Variants in BRSK2 observed in about 807,000 individuals in gnomAD.
BRSK2 encodes BR serine/threonine kinase 2.
A neutral mutation model predicts 83.3 loss-of-function variants in BRSK2; 19 were observed. The ratio of observed to expected loss-of-function variants is 0.23; its 90% CI spans 0.16 to 0.33. The LOEUF is 0.33. Ranked by LOEUF, BRSK2 falls within the 10% of genes least tolerant of loss-of-function variation. BRSK2 has a pLI of 1.00. For missense variants in BRSK2, 798 were observed against 1,042.3 expected (o/e 0.77, Z 3.23); for synonymous variants, 519 against 435.4 (o/e 1.19, Z -2.39).
At chr11:1,413,006 C>A (rs1344545307) in intron 1 of BRSK2, among the ~76,000 whole-genome samples, 2 of 152,162 alleles carry the variant, frequency 1.3e-5, no homozygotes, top group East Asian at 3.9e-4. Context: ...GGCGCTGCCC[C>A]CGGCACCCCA....
In BRSK2 at chr11:1,461,296, C is replaced by T. The variant is rs567538205; in HGVS notation, c.*573C>T. ...AGCCACAGGAACAGGCCCCGTCCAC[C>T]GCCTCCACGCCGCACCTGGAGGCCT... is the stretch of plus-strand genomic sequence containing the variant. On this transcript the variant is annotated 3_prime_UTR_variant, in exon 20 of 20. Transcript: ENST00000528841. The T allele has an allele frequency of 2.4e-5, 11 of 464,368 alleles. No individual in the cohort carries two copies. The highest frequency in any genetic ancestry group is 1.2e-4 in the South Asian group (5 of 40,672). The allele number at this position is 464,368 out of a possible 1,614,324, so 28.8% of individuals were successfully genotyped here. A position where few individuals can be genotyped will look rare whatever the true frequency, so the allele number is the denominator to read the frequency against.
At chr11:1,410,910 GGT>G (rs1847408282) in intron 1 of BRSK2, 2 of 987,816 alleles carry the variant, frequency 2.0e-6, no homozygotes, top group African/African-American at 3.5e-5. Context: ...GCAGAAGGTG[GGT>G]GTTCCCCAGT....
At chr11:1,396,214 C>G in intron 1 of BRSK2, among the ~76,000 whole-genome samples, 1 of 114,094 alleles carries the variant, frequency 8.8e-6, no homozygotes, top group East Asian at 2.3e-4. Flanking sequence ...GTCCCCCACT[C>G]CTGGTCCCTC....
At chr11:1,457,768 C>T (rs1466312490) in intron 18 of BRSK2, among the ~76,000 whole-genome samples, 1 of 152,150 alleles carries the variant, frequency 6.6e-6, no homozygotes, top group Non-Finnish European at 1.5e-5. Context: ...CCATGACATC[C>T]TCATTCCATC....
At chr11:1,402,799 G>A (rs898415463) in intron 1 of BRSK2, among the ~76,000 whole-genome samples, 43 of 152,184 alleles carry the variant, frequency 2.8e-4, no homozygotes, top group African/African-American at 8.9e-4. Flanking sequence ...GACACACGGG[G>A]AGGGAACAGG....
At chr11:1,434,530 C>T (rs1371588819) in intron 1 of BRSK2, among the ~76,000 whole-genome samples, 6 of 139,098 alleles carry the variant, frequency 4.3e-5, no homozygotes, top group African/African-American at 1.6e-4. Flanking sequence ...GTCGGCGCAC[C>T]CAGGAGTGGG....
rs1847278722 is a variant in BRSK2, at chr11:1,460,377, G to A, written c.1988-123G>A. 4 of 1,097,896 alleles carry A rather than the reference G, an allele frequency of 3.6e-6. No individual in the cohort carries two copies. The Admixed American group carries it at 9.9e-5, about 27-fold the overall frequency. The allele number at this position is 1,097,896 out of a possible 1,614,324, so 68.0% of individuals were successfully genotyped here. A position where few individuals can be genotyped will look rare whatever the true frequency, so the allele number is the denominator to read the frequency against. On this transcript the variant is annotated intron_variant, in intron 19 of 19. Coordinates refer to ENST00000528841, the MANE Select transcript of BRSK2 (RefSeq NM_001256627.2). ...TCTCTGGGTTCTTTCCCTCGTCGAG[G>A]CCTCTTCGTTCATTTGTTTGTTTGT...
In BRSK2 at chr11:1,439,289, C is replaced by T. The variant is rs139000373; in HGVS notation, c.272+898C>T. 7.0e-3 allele frequency among the ~76,000 whole-genome samples: 1,060 copies of T among 152,162 alleles called. 16 individuals carry two copies. Among genetic ancestry groups the T allele is most frequent in the African/African-American group, 0.025 (1,019 of 41,514 alleles). ...GCTCTGGCCTGGGTTTCTGCATTCT[C>T]GTGGGGAGCATGTGCAGGTGGCCAG... is the stretch of plus-strand genomic sequence containing the variant. On this transcript the variant is annotated intron_variant, in intron 3 of 19. Transcript: ENST00000528841.
rs371653557 is a variant in BRSK2, at chr11:1,440,794, G to C, written c.279G>C (p.Leu93=). The change falls in exon 4 of 20, where the codon CTG becomes CTC. Residue 93 remains leucine, a synonymous_variant. Transcript: ENST00000528841. ...GTGGCCCCGTCTCCTGCAGGTACCT[G>C]GTGCTAGAACACGTGTCAGGTGGTG... ...DVYENKKYLY[L]VLEHVSGGEL... The C allele has an allele frequency of 7.0e-6, 11 of 1,571,204 alleles. No individual in the cohort carries two copies. Among genetic ancestry groups the C allele is most frequent in the Non-Finnish European group, 9.5e-6 (11 of 1,157,852 alleles).
chr11:1,411,620 G>A, intron 1 of BRSK2: 1 of 1,556,346 alleles, frequency 6.4e-7, no homozygotes, highest in African/African-American at 1.4e-5. Context: ...TCTGCCTGCA[G>A]CCCAGCCCAG....
At chr11:1,439,867 T>C (rs545168150) in intron 3 of BRSK2, among the ~76,000 whole-genome samples, 201 of 129,762 alleles carry the variant, frequency 1.5e-3, no homozygotes, top group Middle Eastern at 4.1e-3. Context: ...GGGGGCTTCA[T>C]ATCTTCCCCT....
rs867318559 is a variant in BRSK2 at position 1,396,211 on chromosome 11, A to G, written c.91+5836A>G. Among the ~76,000 whole-genome samples the G allele has an allele frequency of 6.5e-3, 468 of 72,446 alleles. 1 individual carries two copies. The highest frequency in any genetic ancestry group is 0.018 in the Admixed American group (126 of 6,980). 47.5% of individuals were successfully genotyped at this position (72,446 alleles called of 152,430 possible). ...CTCTTCCCTTCCACCCACGTCCCCC[A>G]CTCCTGGTCCCTCTTCCCTTCCACC... On this transcript the variant is annotated intron_variant, in intron 1 of 19. Coordinates refer to ENST00000528841, the MANE Select transcript of BRSK2 (RefSeq NM_001256627.2).
chr11:1,457,168 C>A, intron 18 of BRSK2: 2 of 924,138 alleles, frequency 2.2e-6, no homozygotes, highest in Non-Finnish European at 3.1e-6. Flanking sequence ...CTGGACAGGC[C>A]AAGCATGCCC....
intron 18 of BRSK2, chr11:1,456,962 C>A (rs775624338): frequency 6.3e-6 from 10 of 1,597,294 alleles, no homozygotes; most frequent in East Asian, 4.5e-5. Context: ...TAGAACCCCC[C>A]CCACCAGCGC....
intron 19 of BRSK2, chr11:1,459,541 G>A (rs557678596): frequency 4.3e-5 from 19 of 438,144 alleles, no homozygotes; most frequent in African/African-American, 2.4e-4. Flanking sequence ...TGGTCCCACT[G>A]GTGCAGGCTG....
chr11:1,458,304 C>T (rs1704635056), intron 18 of BRSK2, among the ~76,000 whole-genome samples: 1 of 152,150 alleles, frequency 6.6e-6, no homozygotes. Context: ...GAGCCAACTC[C>T]AAGCCCCTCT....
rs1845675399 is a variant in BRSK2, at chr11:1,390,769, C to T, written c.91+394C>T. ...GCCCATCTGCCGTCTGCCGCGGCCG[C>T]GCTAATAGGCGTGCTGCCCGAGCAG... On this transcript the variant is annotated intron_variant, in intron 1 of 19. Transcript: ENST00000528841. This position sits in a 1 kb window ranked among gnomAD's most constrained non-coding sequence, Gnocchi z 6.8. Among the ~76,000 whole-genome samples the T allele has an allele frequency of 6.6e-6, 1 of 151,910 alleles. No individual in the cohort carries two copies. The highest frequency in any genetic ancestry group is 2.1e-4 in the South Asian group (1 of 4,836).
intron 1 of BRSK2, among the ~76,000 whole-genome samples, chr11:1,403,098 A>G (rs755320709): frequency 1.3e-5 from 2 of 152,108 alleles, no homozygotes; most frequent in African/African-American, 4.8e-5. Context: ...CCTCTCACCC[A>G]TGGGGTGTTG....
intron 1 of BRSK2, among the ~76,000 whole-genome samples, chr11:1,397,793 A>C (rs929656906): frequency 6.6e-6 from 1 of 151,264 alleles, no homozygotes; most frequent in South Asian, 2.1e-4. Flanking sequence ...TGGCAGCCTC[A>C]TGGCACTGGC....
Sources: gnomAD v4.1 joint callset for allele counts (sites outside exome capture counted in the v4.1 genomes callset) on GRCh38, gnomAD v4.1.1 for gene constraint, Gnocchi (gnomAD v3.1) non-coding constraint, MANE v1.5 for transcripts, NCBI Gene and HGNC (gene_info 2026-07-23, HGNC 2026-07-21) for gene names.